ETV6: variants seen among roughly 807,000 people sequenced by gnomAD.
ETV6 encodes transcription factor ETV6.
In ETV6, 16 loss-of-function variants were observed where a neutral mutation model predicts 51.1. The ratio of observed to expected loss-of-function variants is 0.31; its 90% CI spans 0.21 to 0.48. ETV6 has a LOEUF of 0.48. Ranked by LOEUF, ETV6 falls within the 20% of genes least tolerant of loss-of-function variation. ETV6 has a pLI of 0.99. For missense variants in ETV6, 458 were observed against 594.8 expected, an observed-to-expected ratio of 0.77 and a Z score of 2.39; for synonymous variants, 240 against 224.1, an observed-to-expected ratio of 1.07 and a Z score of -0.64.
At chr12:11,695,198 A>C (rs1323349999) in intron 1 of ETV6, among the ~76,000 whole-genome samples, 4 of 152,234 alleles carry the variant, frequency 2.6e-5, no homozygotes, top group Non-Finnish European at 5.9e-5. Flanking sequence ...TGATAGGAAC[A>C]GATTCTAATG....
chr12:11,786,235 A>G (rs1945481575), intron 2 of ETV6, among the ~76,000 whole-genome samples: 2 of 152,074 alleles, frequency 1.3e-5, no homozygotes, highest in Admixed American at 1.3e-4. Context: ...GTCTTTTCAT[A>G]TGAAGTCTCC....
chr12:11,727,354 G>A (rs913746799), intron 1 of ETV6, among the ~76,000 whole-genome samples: 1 of 152,318 alleles, frequency 6.6e-6, no homozygotes. Context: ...TTGTGTAGGC[G>A]CTGTGGTGTA....
At chr12:11,672,461 G>A (rs774166829) in intron 1 of ETV6, among the ~76,000 whole-genome samples, 3 of 152,160 alleles carry the variant, frequency 2.0e-5, no homozygotes, top group East Asian at 1.9e-4. Context: ...GGTGATTTAC[G>A]CTCTTGCCAG....
chr12:11,891,297 T>G lies in ETV6; in HGVS notation c.*251T>G. 2.3e-6 allele frequency: 1 copy of G among 443,628 alleles called. No homozygotes were observed. 27.5% of individuals were successfully genotyped at this position (443,628 alleles called of 1,614,324 possible). A position where few individuals can be genotyped will look rare whatever the true frequency, so the allele number is the denominator to read the frequency against. On this transcript the variant is annotated 3_prime_UTR_variant, in exon 8 of 8. Transcript: ENST00000396373. The stretch of plus-strand genomic sequence containing the variant: ...CTCCATGTCACGTTTCCTTCTGATT[T>G]GGAATCTCTCCATCTGTAATTCCTC...
At chr12:11,721,707 G>GA (rs1865391285) in intron 1 of ETV6, among the ~76,000 whole-genome samples, 1 of 152,098 alleles carries the variant, frequency 6.6e-6, no homozygotes, top group South Asian at 2.1e-4. Context: ...AGTTGGAAAA[G>GA]AAAAAATATT....
chr12:11,659,059 A>G (rs1475040641), intron 1 of ETV6, among the ~76,000 whole-genome samples: 1 of 152,240 alleles, frequency 6.6e-6, no homozygotes, highest in Non-Finnish European at 1.5e-5. Context: ...CTGTCTGACC[A>G]CAGAACAGAC....
At chr12:11,715,200 C>G (rs1007640318) in intron 1 of ETV6, among the ~76,000 whole-genome samples, 5 of 152,156 alleles carry the variant, frequency 3.3e-5, no homozygotes, top group Non-Finnish European at 7.3e-5. Flanking sequence ...GGCTATTTCT[C>G]TTTTCACTGG....
At chr12:11,791,976 T>G (rs2710282) in intron 2 of ETV6, among the ~76,000 whole-genome samples, 1 of 151,950 alleles carries the variant, frequency 6.6e-6, no homozygotes. Context: ...AGAACCCCGT[T>G]GGGAGGGTCG....
chr12:11,876,682 T>G (rs1329806733), intron 5 of ETV6, among the ~76,000 whole-genome samples: 1 of 152,176 alleles, frequency 6.6e-6, no homozygotes, highest in African/African-American at 2.4e-5. Flanking sequence ...CTGTACAGAT[T>G]TACGTGTTCA....
At chr12:11,697,008 T>A (rs1864890125) in intron 1 of ETV6, among the ~76,000 whole-genome samples, 1 of 152,212 alleles carries the variant, frequency 6.6e-6, no homozygotes, top group Non-Finnish European at 1.5e-5. Flanking sequence ...ATAGAAAAAT[T>A]GTAGGTAATA....
intron 1 of ETV6, among the ~76,000 whole-genome samples, chr12:11,679,398 G>A (rs1683112032): frequency 6.6e-6 from 1 of 152,216 alleles, no homozygotes; most frequent in Non-Finnish European, 1.5e-5. Flanking sequence ...AGTTCTTAGT[G>A]CTCGATAAAT....
At chr12:11,757,732 G>A (rs1026612954) in intron 2 of ETV6, among the ~76,000 whole-genome samples, 1 of 152,210 alleles carries the variant, frequency 6.6e-6, no homozygotes, top group African/African-American at 2.4e-5. Context: ...AGGCACTGCT[G>A]ACCGCTGAAG....
At chr12:11,672,978 CTG>C (rs750163729) in intron 1 of ETV6, among the ~76,000 whole-genome samples, 1 of 152,218 alleles carries the variant, frequency 6.6e-6, no homozygotes, top group African/African-American at 2.4e-5. Context: ...GAGAAAACCT[CTG>C]TGTTCCCTTA....
intron 2 of ETV6, among the ~76,000 whole-genome samples, chr12:11,766,433 A>G (rs1202148594): frequency 6.6e-6 from 1 of 151,630 alleles, no homozygotes; most frequent in Non-Finnish European, 1.5e-5. Flanking sequence ...ACTCCCTCAC[A>G]GAACAAAAAT....
chr12:11,737,299 A>G (rs2121002482), intron 1 of ETV6, among the ~76,000 whole-genome samples: 1 of 152,296 alleles, frequency 6.6e-6, no homozygotes, highest in Middle Eastern at 3.4e-3. Flanking sequence ...AGCTGAGTCC[A>G]TGGATGGGGA....
chr12:11,885,570 A>T (rs971543578), intron 6 of ETV6, among the ~76,000 whole-genome samples: 2 of 152,240 alleles, frequency 1.3e-5, no homozygotes, highest in Admixed American at 6.5e-5. Context: ...GTGAAGGGTG[A>T]CCCAGAGATA....
intron 1 of ETV6, among the ~76,000 whole-genome samples, chr12:11,749,549 T>G (rs2121054551): frequency 6.6e-6 from 1 of 152,316 alleles, no homozygotes; most frequent in East Asian, 1.9e-4. Flanking sequence ...TCTAGATGTC[T>G]CCATCTGAGA....
At chr12:11,674,160 C>T (rs575848018) in intron 1 of ETV6, among the ~76,000 whole-genome samples, 32 of 152,262 alleles carry the variant, frequency 2.1e-4, no homozygotes, top group African/African-American at 7.0e-4. Context: ...AGTGTGCTCG[C>T]GTGGCCAGAT....
Position 11,736,060 on chromosome 12 carries a change from CT to C in ETV6, c.34-16386del, listed in dbSNP as rs1865698416. On this transcript the variant is annotated intron_variant, in intron 1 of 7. Coordinates refer to ENST00000396373, the MANE Select transcript of ETV6 (RefSeq NM_001987.5). The stretch of plus-strand genomic sequence containing the variant: ...AGTAGTTGACAATAAATGATAGTTT[CT>C]TTTCCTTTTCCCTTAAGTAAGTTTT... Among the ~76,000 whole-genome samples the C allele has an allele frequency of 2.0e-5, 3 of 152,162 alleles. No individual in the cohort carries two copies. The South Asian group carries it at 6.2e-4, about 31-fold the overall frequency.
Sources: gnomAD v4.1 joint callset for allele counts (sites outside exome capture counted in the v4.1 genomes callset) on GRCh38, gnomAD v4.1.1 for gene constraint, MANE v1.5 for transcripts, NCBI Gene and HGNC (gene_info 2026-07-23, HGNC 2026-07-21) for gene names.